SMS: variants seen among roughly 807,000 people sequenced by gnomAD.
SMS encodes the protein spermidine aminopropyltransferase.
SMS carries 3 observed loss-of-function variants against 33.0 expected under a neutral mutation model. The ratio of observed to expected loss-of-function variants is 0.09; its 90% CI spans 0.04 to 0.23. SMS has a LOEUF of 0.23. Among genes scored for constraint, SMS ranks in the 10% least tolerant of loss-of-function variants. The probability of loss-of-function intolerance (pLI) is 1.00; values close to 1 mark genes in which losing one functional copy is unlikely to be tolerated. For missense variants in SMS, 117 were observed against 288.6 expected (o/e 0.41, Z 4.31); for synonymous variants, 103 against 112.2 (o/e 0.92, Z 0.52).
chrX:21,946,305 G>A (rs945163519), intron 1 of SMS, among the ~76,000 whole-genome samples: 1 of 112,213 alleles, frequency 8.9e-6, no homozygotes, highest in African/African-American at 3.2e-5. Flanking sequence ...GGCCAATGCT[G>A]GAGGCACATG....
chrX:21,963,946 A>G, intron 1 of SMS, among the ~76,000 whole-genome samples: 1 of 111,830 alleles, frequency 8.9e-6, no homozygotes. Context: ...AGATTCAGGG[A>G]AAGTTCTGCC....
chrX:21,949,952 A>C (rs748120363), intron 1 of SMS, among the ~76,000 whole-genome samples: 66 of 47,790 alleles, frequency 1.4e-3, no homozygotes, highest in Admixed American at 0.013. Flanking sequence ...CCAAAGTGGA[A>C]AAAAAAAAAA....
intron 1 of SMS, among the ~76,000 whole-genome samples, chrX:21,950,872 G>A (rs1922561099): frequency 8.9e-6 from 1 of 111,926 alleles, no homozygotes; most frequent in East Asian, 2.8e-4. Flanking sequence ...TTGGTTCCAA[G>A]TCTTTGTTAT....
chrX:21,959,865 C>G (rs1437045912), intron 1 of SMS: 5 of 724,368 alleles, frequency 6.9e-6, no homozygotes, highest in Admixed American at 1.7e-4. Context: ...CAGACTGGCT[C>G]TATTGCCAGC....
chrX:21,978,084 A>C lies in SMS; in HGVS notation c.630A>C (p.Lys210Asn). Reference protein sequence around the residue: ...GDGGILCEIVKLKPKMVTMVE... With the variant: ...GDGGILCEIVNLKPKMVTMVE... Reference sequence around the variant, plus strand: ...GAGGCATATTGTGTGAAATAGTCAAACTAAAACCAAAGATGGTCACTATGG... The same window carrying C: ...GAGGCATATTGTGTGAAATAGTCAACCTAAAACCAAAGATGGTCACTATGG... Residue 210 changes from lysine (K) to asparagine (N), a missense_variant, in exon 6 of 11, where the codon AAA becomes AAC. Around this residue, in one of 3 missense-constraint regions of SMS, gnomAD observed 69 missense variants for 203.8 expected, o/e 0.34. Transcript: ENST00000404933. 6 of 1,210,090 alleles carry C rather than the reference A, an allele frequency of 5.0e-6. No homozygotes were observed. Among genetic ancestry groups the C allele is most frequent in the Non-Finnish European group, 6.7e-6 (6 of 893,829 alleles).
At chrX:21,968,672 C>T (rs145369230) in intron 2 of SMS, among the ~76,000 whole-genome samples, 166 of 112,407 alleles carry the variant, frequency 1.5e-3, no homozygotes, top group South Asian at 0.013. Context: ...TAAGAAATGA[C>T]TGATAACAAG....
At chrX:21,983,732 G>C (rs1347208667) in intron 7 of SMS, among the ~76,000 whole-genome samples, 1 of 111,500 alleles carries the variant, frequency 9.0e-6, no homozygotes, top group Non-Finnish European at 1.9e-5. Context: ...TAGTATAAAA[G>C]AAAAATTAGG....
intron 1 of SMS, among the ~76,000 whole-genome samples, chrX:21,964,269 G>A (rs1029199263): frequency 1.8e-5 from 2 of 111,383 alleles, no homozygotes; most frequent in Admixed American, 9.5e-5. Context: ...ACCGCTGCTC[G>A]GTGTTTATAG....
intron 1 of SMS, among the ~76,000 whole-genome samples, chrX:21,962,522 G>A (rs1423861833): frequency 9.0e-6 from 1 of 111,379 alleles, no homozygotes; most frequent in Non-Finnish European, 1.9e-5. Flanking sequence ...TTAGATTAGT[G>A]GTTCTCAACT....
intron 9 of SMS, among the ~76,000 whole-genome samples, chrX:21,991,566 G>A (rs1378843351): frequency 1.8e-5 from 2 of 112,157 alleles, no homozygotes; most frequent in Non-Finnish European, 3.8e-5. Flanking sequence ...GGAAATAGGC[G>A]GTATTAAATA....
At chrX:21,961,993 A>G (rs1295509913) in intron 1 of SMS, among the ~76,000 whole-genome samples, 3 of 112,299 alleles carry the variant, frequency 2.7e-5, no homozygotes, top group East Asian at 5.6e-4. Flanking sequence ...ATTTGTGGAC[A>G]CTTACGACCT....
intron 1 of SMS, among the ~76,000 whole-genome samples, chrX:21,953,595 G>A (rs932624969): frequency 8.9e-6 from 1 of 112,050 alleles, no homozygotes; most frequent in African/African-American, 3.2e-5. Context: ...ATACAACTGA[G>A]TTTCTGCTTA....
intron 9 of SMS, among the ~76,000 whole-genome samples, chrX:21,985,451 C>T (rs1436030909): frequency 1.8e-5 from 2 of 111,618 alleles, no homozygotes; most frequent in Non-Finnish European, 3.8e-5. Flanking sequence ...GATGGAGACA[C>T]AGACTGATTT....
chrX:21,976,871 C>G (rs1199167706), intron 4 of SMS, among the ~76,000 whole-genome samples, 190 bp from the exon 5 acceptor site: 1 of 112,262 alleles, frequency 8.9e-6, no homozygotes, highest in African/African-American at 3.2e-5. Context: ...AAAAAGTGAA[C>G]TGTGTACAAT....
chrX:21,966,065 A>C (rs1022689001), intron 1 of SMS, among the ~76,000 whole-genome samples: 2 of 112,535 alleles, frequency 1.8e-5, no homozygotes, highest in Non-Finnish European at 3.8e-5. Context: ...CACAGTTCTA[A>C]GTCACTAGAG....
intron 1 of SMS, among the ~76,000 whole-genome samples, chrX:21,956,557 C>G (rs768751219): frequency 8.1e-5 from 9 of 111,669 alleles, no homozygotes; most frequent in Non-Finnish European, 1.7e-4. Context: ...GCAACCTCCG[C>G]CTCCTGTGTT....
intron 9 of SMS, among the ~76,000 whole-genome samples, chrX:21,988,856 A>G (rs1925568345): frequency 9.1e-6 from 1 of 110,365 alleles, no homozygotes; most frequent in Non-Finnish European, 1.9e-5. Flanking sequence ...TCGTGGAGGG[A>G]CGTGGGAATC....
intron 1 of SMS, among the ~76,000 whole-genome samples, chrX:21,945,042 T>C (rs1410680743): frequency 3.6e-5 from 4 of 111,876 alleles, no homozygotes; most frequent in Non-Finnish European, 7.5e-5. Context: ...CTTGCCATGT[T>C]GGAGTGGAAG....
At chrX:21,948,439 CTTT>C (rs59082770) in intron 1 of SMS, among the ~76,000 whole-genome samples, 1 of 80,204 alleles carries the variant, frequency 1.2e-5, no homozygotes, top group African/African-American at 5.3e-5. Context: ...GTCAATGTGT[CTTT>C]TTTTTTTTTT....
Sources: gnomAD v4.1 joint callset for allele counts (sites outside exome capture counted in the v4.1 genomes callset) on GRCh38, gnomAD v4.1.1 for gene constraint, gnomAD v4.1.1 regional missense constraint, MANE v1.5 for transcripts, NCBI Gene and HGNC (gene_info 2026-07-23, HGNC 2026-07-21) for gene names.